Variants in GLRX3 observed in about 807,000 individuals in gnomAD.
GLRX3 encodes glutaredoxin-3.
In GLRX3, 22 loss-of-function variants were observed where a neutral mutation model predicts 49.5. The observed-to-expected ratio is 0.44, with a 90% CI of 0.32 to 0.63. The LOEUF (loss-of-function observed/expected upper bound fraction) is 0.63, where lower values mean the gene tolerates loss of function less well. Ranked by LOEUF, GLRX3 falls within the 30% of genes least tolerant of loss-of-function variation. GLRX3 has a pLI of 0.05. For synonymous variants in GLRX3, 133 were observed against 140.0 expected (o/e 0.95, Z 0.35); for missense variants, 385 against 396.3 (o/e 0.97, Z 0.24).
chr10:130,177,895 T>C (rs1771953980), intron 10 of GLRX3, among the ~76,000 whole-genome samples: 1 of 152,360 alleles, frequency 6.6e-6, no homozygotes, highest in African/African-American at 2.4e-5. Context: ...TGTTATATCA[T>C]ACTAAATGTT....
In GLRX3 at chr10:130,136,504, C is replaced by T. The variant is rs1862054608; in HGVS notation, c.84C>T (p.Leu28=). The T allele has an allele frequency of 7.9e-7, 1 of 1,262,700 alleles. No individual in the cohort carries two copies. The allele number at this position is 1,262,700 out of a possible 1,614,324, so 78.2% of individuals were successfully genotyped here. A position where few individuals can be genotyped will look rare whatever the true frequency, so the allele number is the denominator to read the frequency against. The change falls in exon 1 of 11, where the codon CTC becomes CTT. Residue 28 remains leucine (L), a synonymous_variant. Transcript: ENST00000331244. The part of the protein sequence containing the change: ...SAGQFEELLR[L]KAKSLLVVHF... ...GGCAGTTTGAGGAGCTGCTGCGCCT[C>T]AAAGCCAAGTAAGCGGGGCGGCGAG...
chr10:130,139,455 C>A (rs972928060), intron 1 of GLRX3, among the ~76,000 whole-genome samples: 1 of 151,446 alleles, frequency 6.6e-6, no homozygotes, highest in Non-Finnish European at 1.5e-5. Flanking sequence ...CTGGCTAACA[C>A]GGTGAAACCC....
chr10:130,177,078 A>G (rs10829699), intron 10 of GLRX3, among the ~76,000 whole-genome samples: 15,261 of 152,218 alleles, frequency 0.1, 793 homozygotes, highest in Middle Eastern at 0.13. Flanking sequence ...GAGAAGATAT[A>G]TGGAATAGAT....
intron 8 of GLRX3, among the ~76,000 whole-genome samples, chr10:130,173,644 T>G (rs943278943): frequency 5.3e-5 from 8 of 152,170 alleles, no homozygotes; most frequent in Admixed American, 3.9e-4. Flanking sequence ...GCTTCCTGGA[T>G]CCTTTATGAA....
chr10:130,148,341 G>C (rs891903861), intron 2 of GLRX3, among the ~76,000 whole-genome samples: 2 of 151,022 alleles, frequency 1.3e-5, no homozygotes, highest in African/African-American at 4.9e-5. Flanking sequence ...ATGTTGCTCA[G>C]GCTGGTCTTG....
chr10:130,171,245 T>G (rs1443730053), intron 7 of GLRX3, among the ~76,000 whole-genome samples: 2 of 152,230 alleles, frequency 1.3e-5, no homozygotes, highest in Non-Finnish European at 2.9e-5. Context: ...AAGATCATTT[T>G]GCATGAGTGA....
rs557750538 is a variant in GLRX3, at chr10:130,168,538, G to A, written c.714-895G>A. On this transcript the variant is annotated intron_variant, in intron 6 of 10. Coordinates refer to ENST00000331244, the MANE Select transcript of GLRX3 (RefSeq NM_006541.5). ...TGGCTCACTGCAAGCTCCGCCTCCC[G>A]GGTTCACACCATTCTCCTGCCTCAG... Among the ~76,000 whole-genome samples the A allele has an allele frequency of 3.9e-5, 6 of 152,290 alleles. No individual in the cohort carries two copies. The East Asian group carries it at 7.7e-4, about 20-fold the overall frequency.
intron 2 of GLRX3, among the ~76,000 whole-genome samples, chr10:130,159,421 C>T (rs527625583): frequency 8.5e-5 from 13 of 152,242 alleles, no homozygotes; most frequent in South Asian, 2.1e-4. Flanking sequence ...GTAAATAGAC[C>T]GGAAGCAAGT....
intron 10 of GLRX3, among the ~76,000 whole-genome samples, chr10:130,177,547 A>G (rs1370908972): frequency 6.6e-6 from 1 of 152,222 alleles, no homozygotes; most frequent in East Asian, 1.9e-4. Flanking sequence ...AGATGAGGAA[A>G]CAGAGACATA....
intron 2 of GLRX3, among the ~76,000 whole-genome samples, chr10:130,151,542 C>G (rs963944917): frequency 1.3e-5 from 2 of 152,030 alleles, no homozygotes; most frequent in Non-Finnish European, 2.9e-5. Flanking sequence ...CTCCAACAGG[C>G]CCCGGTGTGT....
At position 130,159,986 on chromosome 10, in the gene GLRX3, A is replaced by G. The variant is rs759891758; in HGVS notation, c.202-9A>G. ...GTAATAATCAAGCTTGAATTCTTTT[A>G]TTTTAAAGTTGGAAGCTGAAGGTGT... is the stretch of plus-strand genomic sequence containing the variant. On this transcript the variant is annotated splice_polypyrimidine_tract_variant and intron_variant, in intron 2 of 10. Coordinates refer to ENST00000331244, the MANE Select transcript of GLRX3 (RefSeq NM_006541.5). 6.5e-7 allele frequency: 1 copy of G among 1,539,578 alleles called. No homozygotes were observed. Among genetic ancestry groups the G allele is most frequent in the Non-Finnish European group, 9.0e-7 (1 of 1,112,344 alleles).
rs943750749 is a variant in GLRX3, at chr10:130,165,597, A to G, written c.479-910A>G. On this transcript the variant is annotated intron_variant, in intron 4 of 10. Coordinates refer to ENST00000331244, the MANE Select transcript of GLRX3 (RefSeq NM_006541.5). ...CCGTCAATCTATTGATGGTTCATAT[A>G]TAACAACAGAGAAGATAGCTTTAAA... Among the ~76,000 whole-genome samples the G allele has an allele frequency of 4.7e-5, 7 of 149,838 alleles. No homozygotes were observed. The East Asian group carries it at 5.8e-4, about 12-fold the overall frequency.
At chr10:130,153,195 T>C (rs1432106757) in intron 2 of GLRX3, among the ~76,000 whole-genome samples, 1 of 152,164 alleles carries the variant, frequency 6.6e-6, no homozygotes, top group Non-Finnish European at 1.5e-5. Context: ...GTTAGCCACT[T>C]GTCTAACTTT....
chr10:130,143,412 T>C (rs538838678), intron 1 of GLRX3, among the ~76,000 whole-genome samples: 4 of 152,364 alleles, frequency 2.6e-5, no homozygotes, highest in African/African-American at 9.6e-5. Flanking sequence ...TCCATAAAAC[T>C]GAAGGATTTT....
chr10:130,150,409 T>G (rs1862353137), intron 2 of GLRX3, among the ~76,000 whole-genome samples: 1 of 152,258 alleles, frequency 6.6e-6, no homozygotes, highest in Non-Finnish European at 1.5e-5. Context: ...GTGCAAACAT[T>G]CTCAAAGTCA....
downstream of GLRX3, chr10:130,179,711 G>A (rs1471416997): frequency 3.7e-6 from 1 of 272,528 alleles, no homozygotes; most frequent in Non-Finnish European, 6.9e-6. Flanking sequence ...GTATCTTCTA[G>A]CAGTTAAGAA....
intron 2 of GLRX3, among the ~76,000 whole-genome samples, chr10:130,148,912 T>A (rs1862319134): frequency 6.6e-6 from 1 of 151,816 alleles, no homozygotes; most frequent in African/African-American, 2.4e-5. Context: ...AATAAAAATT[T>A]AAAAAACTAG....
At chr10:130,167,127 CA>C (rs1254290082) in intron 6 of GLRX3, 147 bp downstream of exon 6, 2 of 497,330 alleles carry the variant, frequency 4.0e-6, no homozygotes, top group African/African-American at 4.1e-5. Context: ...ATTAGCCATT[CA>C]AACTTTGGCA....
At chr10:130,147,608 A>G (rs997264002) in intron 2 of GLRX3, among the ~76,000 whole-genome samples, 4 of 152,212 alleles carry the variant, frequency 2.6e-5, no homozygotes, top group African/African-American at 9.7e-5. Context: ...ACTCTATAAC[A>G]TAGTTTTTCT....
Sources: allele counts gnomAD v4.1 joint callset (sites outside exome capture counted in the v4.1 genomes callset), GRCh38; gene constraint gnomAD v4.1.1; transcripts MANE v1.5; gene names NCBI Gene and HGNC (gene_info 2026-07-23, HGNC 2026-07-21).